Variants in GPRC5B observed in about 807,000 individuals in gnomAD.
The protein encoded by GPRC5B is G protein-coupled receptor class C group 5 member B.
A neutral mutation model predicts 30.1 loss-of-function variants in GPRC5B; 16 were observed. The ratio of observed to expected loss-of-function variants is 0.53; its 90% CI spans 0.36 to 0.81. The LOEUF (loss-of-function observed/expected upper bound fraction) is 0.81, where lower values mean the gene tolerates loss of function less well. Ranked by LOEUF, GPRC5B falls within the 30% of genes least tolerant of loss-of-function variation. The probability of loss-of-function intolerance (pLI) is 0.01; values close to 1 mark genes in which losing one functional copy is unlikely to be tolerated. For synonymous variants in GPRC5B, 241 were observed against 239.5 expected (o/e 1.01, Z -0.06); for missense variants, 428 against 544.7 (o/e 0.79, Z 2.13).
At position 19,872,396 on chromosome 16, in the gene GPRC5B, C is replaced by A. The variant is rs192332005; in HGVS notation, c.450G>T (p.Leu150=). Residue 150 remains leucine, a synonymous_variant, in exon 2 of 4, where the codon CTG becomes CTT. Transcript: ENST00000300571. This position sits in a 1 kb window ranked among gnomAD's most constrained non-coding sequence, Gnocchi z 5.0. ...LLSQAWRVRR[L]VRHGTGPAGW... Reference sequence around the variant, plus strand: ...CCGCGGGGCCCGTGCCATGCCGCACCAGCCTCCGCACGCGCCATGCCTGGC... The same window carrying A: ...CCGCGGGGCCCGTGCCATGCCGCACAAGCCTCCGCACGCGCCATGCCTGGC... 4 of 1,613,448 alleles carry A rather than the reference C, an allele frequency of 2.5e-6. No individual in the cohort carries two copies. The Admixed American group carries it at 6.7e-5, about 27-fold the overall frequency.
At position 19,859,307 on chromosome 16, in the gene GPRC5B, A is replaced by T. The variant is rs1171590742; in HGVS notation, c.*1193T>A. The T allele has an allele frequency of 6.5e-6, 1 of 152,700 alleles. No individual in the cohort carries two copies. The highest frequency in any genetic ancestry group is 1.9e-4 in the East Asian group (1 of 5,188). The allele number at this position is 152,700 out of a possible 1,614,324, so 9.5% of individuals were successfully genotyped here. On this transcript the variant is annotated 3_prime_UTR_variant, in exon 4 of 4. Coordinates refer to ENST00000300571, the MANE Select transcript of GPRC5B (RefSeq NM_016235.3). ...CAAAGGAATGACTTGCTCAGGACAG[A>T]TGGAAACCATGACAGAAACAATGGG...
At chr16:19,875,677 G>A (rs1207497844) in intron 1 of GPRC5B, among the ~76,000 whole-genome samples, 1 of 152,144 alleles carries the variant, frequency 6.6e-6, no homozygotes, top group Non-Finnish European at 1.5e-5. Context: ...TACTTGGGAG[G>A]CTGAGGCAGA....
chr16:19,865,415 G>C (rs989901951), intron 2 of GPRC5B, among the ~76,000 whole-genome samples: 6 of 152,272 alleles, frequency 3.9e-5, no homozygotes, highest in Admixed American at 6.5e-5. Flanking sequence ...CCATCAAAAG[G>C]TTCTTGAAAA....
rs543512499 is a variant in GPRC5B, at chr16:19,879,414, T to A, written c.-2+5313A>T. 1.7e-4 allele frequency among the ~76,000 whole-genome samples: 26 copies of A among 150,180 alleles called. 1 individual carries two copies. The highest frequency in any genetic ancestry group is 5.8e-4 in the East Asian group (3 of 5,160). ...TAAATATACTGCATCTCTCTCTCTC[T>A]CACACACACACACACACCACACACA... is the stretch of plus-strand genomic sequence containing the variant. On this transcript the variant is annotated intron_variant, in intron 1 of 3. Coordinates refer to ENST00000300571, the MANE Select transcript of GPRC5B (RefSeq NM_016235.3).
At chr16:19,881,468 T>C (rs779560210) in intron 1 of GPRC5B, among the ~76,000 whole-genome samples, 21 of 151,690 alleles carry the variant, frequency 1.4e-4, no homozygotes, top group Non-Finnish European at 2.4e-4. Flanking sequence ...GCAACAGCTT[T>C]TTAGTGAATT....
intron 3 of GPRC5B, 108 bp downstream of exon 3, chr16:19,861,729 G>T: frequency 1.1e-6 from 1 of 880,614 alleles, no homozygotes; most frequent in Non-Finnish European, 1.8e-6. Context: ...GGCGGTCCTT[G>T]CAGGCCACAT....
upstream of GPRC5B, chr16:19,885,025 G>T: frequency 1.7e-6 from 1 of 579,784 alleles, no homozygotes; most frequent in South Asian, 2.3e-5. This position sits in a 1 kb window ranked among gnomAD's most constrained non-coding sequence, Gnocchi z 5.3. Context: ...ATGCACCCCC[G>T]GAGCCCAAGC....
chr16:19,858,644 G>GCCCCCA lies in GPRC5B; in HGVS notation c.*1850_*1855dup, dbSNP rs1365847345. ...CAGAATACCGGGTCCGCATGCAACC[G>GCCCCCA]CCCCCACCCCCACCCCAGGTCCTAG... On this transcript the variant is annotated 3_prime_UTR_variant, in exon 4 of 4. Coordinates refer to ENST00000300571, the MANE Select transcript of GPRC5B (RefSeq NM_016235.3). The GCCCCCA allele has an allele frequency of 4.9e-5, 26 of 531,360 alleles. No individual in the cohort carries two copies. Among genetic ancestry groups the GCCCCCA allele is most frequent in the Admixed American group, 3.4e-4 (11 of 32,480 alleles). 32.9% of individuals were successfully genotyped at this position (531,360 alleles called of 1,614,324 possible).
chr16:19,871,886 G>C lies in GPRC5B; in HGVS notation c.960C>G (p.Phe320Leu), dbSNP rs750902860. 3 of 1,614,004 alleles carry C rather than the reference G, an allele frequency of 1.9e-6. No individual in the cohort carries two copies. Among genetic ancestry groups the C allele is most frequent in the African/African-American group, 2.7e-5 (2 of 75,026 alleles). ...CCCGCGGCAGCTGCACGTCCTCCTC[G>C]AAGGCCGTCTCCCGCATCCTGGGCT... ...TSQPRMRETA[F>L]EEDVQLPRAY... is the part of the protein sequence containing the mutation. The change falls in exon 2 of 4, where the codon TTC becomes TTG. Residue 320 changes from phenylalanine (F) to leucine (L), a missense_variant. By Grantham distance (22) the Phe-to-Leu change is conservative. This residue lies in a region of GPRC5B where 213 missense variants were observed against 229.1 expected (regional missense o/e 0.93). Coordinates refer to ENST00000300571, the MANE Select transcript of GPRC5B (RefSeq NM_016235.3).
chr16:19,863,649 C>T (rs1034185282), intron 2 of GPRC5B, among the ~76,000 whole-genome samples: 4 of 151,970 alleles, frequency 2.6e-5, no homozygotes, highest in African/African-American at 4.8e-5. Context: ...ACCACAAGCA[C>T]GTGCCACCAT....
chr16:19,884,326 A>T (rs976746460), intron 1 of GPRC5B, among the ~76,000 whole-genome samples: 1 of 149,972 alleles, frequency 6.7e-6, no homozygotes, highest in Non-Finnish European at 1.5e-5. Flanking sequence ...TCAGCCCCCA[A>T]CGCGGCCCCA....
Position 19,884,741 on chromosome 16 carries a change from C to G in GPRC5B, c.-16G>C. 3 of 985,146 alleles carry G rather than the reference C, an allele frequency of 3.0e-6. No individual in the cohort carries two copies. Among genetic ancestry groups the G allele is most frequent in the Non-Finnish European group, 3.6e-6 (3 of 829,792 alleles). 61.0% of individuals were successfully genotyped at this position (985,146 alleles called of 1,614,324 possible). On this transcript the variant is annotated 5_prime_UTR_variant, in exon 1 of 4. Transcript: ENST00000300571. ...CTCGCACTTACCGACCCCCGCGGCC[C>G]CGCAGCGCCGACGCTCCAGCTGGCC...
intron 2 of GPRC5B, among the ~76,000 whole-genome samples, chr16:19,870,277 CT>C (rs1447047323): frequency 2.0e-5 from 3 of 152,184 alleles, no homozygotes; most frequent in African/African-American, 7.2e-5. Flanking sequence ...CCTTCTCAGT[CT>C]CATTCTCCCT....
rs756077882 is a variant in GPRC5B at position 19,860,559 on chromosome 16, A to G, written c.1168-15T>C. On this transcript the variant is annotated splice_polypyrimidine_tract_variant and intron_variant, in intron 3 of 3. Coordinates refer to ENST00000300571, the MANE Select transcript of GPRC5B (RefSeq NM_016235.3). ...GCAGTTGGGATCTGGAATAACACAT[A>G]AGGATAACACACTGAGAACTCTGTG... is the stretch of plus-strand genomic sequence containing the variant. The G allele has an allele frequency of 1.9e-6, 3 of 1,566,416 alleles. No individual in the cohort carries two copies. Among genetic ancestry groups the G allele is most frequent in the Non-Finnish European group, 2.6e-6 (3 of 1,136,902 alleles).
At chr16:19,860,632 A>G in intron 3 of GPRC5B, 88 bp from the exon 4 acceptor site, 1 of 817,222 alleles carries the variant, frequency 1.2e-6, no homozygotes, top group Non-Finnish European at 2.1e-6. Context: ...ACGCGGCAAA[A>G]ATAAGTTACC....
chr16:19,871,491 A>G (rs2056719098), intron 2 of GPRC5B, among the ~76,000 whole-genome samples: 1 of 152,108 alleles, frequency 6.6e-6, no homozygotes, highest in South Asian at 2.1e-4. Context: ...GCGTGGTGGC[A>G]CACGCCTATA....
At chr16:19,885,380 C>G, upstream of GPRC5B, 1 of 1,179,806 alleles carries the variant, frequency 8.5e-7, no homozygotes. The surrounding 1 kb of genome is among the most constrained non-coding windows in gnomAD (Gnocchi z 5.3). Flanking sequence ...CCGGTATACA[C>G]CTAGGCGCAC....
chr16:19,871,523 G>A lies in GPRC5B; in HGVS notation c.1030+293C>T, dbSNP rs112581601. On this transcript the variant is annotated intron_variant, in intron 2 of 3. Coordinates refer to ENST00000300571, the MANE Select transcript of GPRC5B (RefSeq NM_016235.3). ...TATAGTCCCAGCTACTTGGGAGGCTGAGACAGCAGAATCACTTGAACCCAG... is the reference window on the plus strand; with the variant it reads ...TATAGTCCCAGCTACTTGGGAGGCTAAGACAGCAGAATCACTTGAACCCAG... 5.9e-3 allele frequency among the ~76,000 whole-genome samples: 903 copies of A among 152,322 alleles called. 4 individuals are homozygous for A. Among genetic ancestry groups the A allele is most frequent in the Non-Finnish European group, 0.01 (703 of 68,028 alleles).
chr16:19,863,605 C>T (rs2056644452), intron 2 of GPRC5B, among the ~76,000 whole-genome samples: 1 of 149,044 alleles, frequency 6.7e-6, no homozygotes, highest in Admixed American at 6.9e-5. Context: ...TCCAGCGATT[C>T]TCCTGCCTCA....
Sources: gnomAD v4.1 joint callset for allele counts (sites outside exome capture counted in the v4.1 genomes callset) on GRCh38, gnomAD v4.1.1 for gene constraint, gnomAD v4.1.1 regional missense constraint, Gnocchi (gnomAD v3.1) non-coding constraint, MANE v1.5 for transcripts, NCBI Gene and HGNC (gene_info 2026-07-23, HGNC 2026-07-21) for gene names.